The following ZMAT4 variants were observed in gnomAD, a reference collection of about 807,000 sequenced individuals.
ZMAT4 encodes zinc finger matrin-type protein 4.
ZMAT4 carries 17 observed loss-of-function variants against 28.7 expected under a neutral mutation model. That is an observed-to-expected ratio of 0.59 (90% CI 0.41 to 0.89). The LOEUF is 0.89. Among genes scored for constraint, ZMAT4 ranks in the 40% least tolerant of loss-of-function variants. ZMAT4 has a pLI of 0.00. For synonymous variants in ZMAT4, 117 were observed against 109.2 expected, an observed-to-expected ratio of 1.07 and a Z score of -0.44; for missense variants, 240 against 283.8, an observed-to-expected ratio of 0.85 and a Z score of 1.11.
intron 3 of ZMAT4, among the ~76,000 whole-genome samples, chr8:40,761,740 C>A (rs1563466220): frequency 6.6e-6 from 1 of 151,990 alleles, no homozygotes; most frequent in Non-Finnish European, 1.5e-5. Context: ...ATGAAAGGGC[C>A]CATAGATCAG....
chr8:40,808,388 GA>G lies in ZMAT4; in HGVS notation c.102+17186del, dbSNP rs904641983. 3.8e-3 allele frequency: 1,089 copies of G among 286,214 alleles called. 1 individual carries two copies. The highest frequency in any genetic ancestry group is 6.0e-3 in the South Asian group (199 of 33,248). 17.7% of individuals were successfully genotyped at this position (286,214 alleles called of 1,614,324 possible). On this transcript the variant is annotated intron_variant, in intron 2 of 6. Coordinates refer to ENST00000297737, the MANE Select transcript of ZMAT4 (RefSeq NM_024645.3). ...AAAATGCAGCTTAAGGGTGAATTTGGAAAAAAAAAAGACAGCATATTTTGGC... is the reference window on the plus strand; with the variant it reads ...AAAATGCAGCTTAAGGGTGAATTTGGAAAAAAAAAGACAGCATATTTTGGC...
chr8:40,612,785 C>T (rs1226974990), intron 5 of ZMAT4, among the ~76,000 whole-genome samples: 2 of 131,086 alleles, frequency 1.5e-5, no homozygotes, highest in East Asian at 3.9e-4. Flanking sequence ...GGTTTCTACC[C>T]AGTCATTCTC....
intron 3 of ZMAT4, among the ~76,000 whole-genome samples, chr8:40,752,223 G>T (rs1174174138): frequency 6.6e-6 from 1 of 152,178 alleles, no homozygotes; most frequent in Non-Finnish European, 1.5e-5. Flanking sequence ...CTGGAACCCA[G>T]CCCCCTCTCC....
rs75464519 is a variant in ZMAT4 at position 40,558,464 on chromosome 8, G to C, written c.674+22701C>G. Among the ~76,000 whole-genome samples, 502 of 152,210 alleles carry C rather than the reference G, an allele frequency of 3.3e-3. 8 individuals are homozygous for C. In the East Asian group the frequency reaches 0.053, roughly 16 times the overall value. On this transcript the variant is annotated intron_variant, in intron 6 of 6. Transcript: ENST00000297737. The stretch of plus-strand genomic sequence containing the variant: ...GAAAGGGAGAAAAGGGGGCAGATTT[G>C]AGGCGTGTGGAGGTGGAGTCACAGA...
intron 1 of ZMAT4, among the ~76,000 whole-genome samples, chr8:40,860,707 C>A (rs948188541): frequency 6.6e-6 from 1 of 152,228 alleles, no homozygotes; most frequent in Non-Finnish European, 1.5e-5. Context: ...TCTGGCTTTA[C>A]CCAAAATGGT....
At chr8:40,851,771 A>T (rs1817116049) in intron 1 of ZMAT4, among the ~76,000 whole-genome samples, 1 of 152,206 alleles carries the variant, frequency 6.6e-6, no homozygotes, top group Non-Finnish European at 1.5e-5. Context: ...GTTTGAAGCT[A>T]TACAATATAT....
chr8:40,583,899 C>T (rs1000225610), intron 5 of ZMAT4, among the ~76,000 whole-genome samples: 6 of 152,150 alleles, frequency 3.9e-5, no homozygotes, highest in African/African-American at 1.4e-4. Flanking sequence ...TGCATTTTTA[C>T]ATCAACAGTA....
intron 5 of ZMAT4, among the ~76,000 whole-genome samples, chr8:40,640,235 C>T (rs1211865335): frequency 1.3e-5 from 2 of 152,194 alleles, no homozygotes; most frequent in Admixed American, 1.3e-4. Context: ...GCCTCAGCCT[C>T]CTAAAATGTT....
At chr8:40,828,793 C>T (rs779240356) in intron 1 of ZMAT4, among the ~76,000 whole-genome samples, 26 of 151,944 alleles carry the variant, frequency 1.7e-4, no homozygotes, top group Non-Finnish European at 3.5e-4. Context: ...AGAGCGCAGT[C>T]CATGTAGGTC....
intron 3 of ZMAT4, among the ~76,000 whole-genome samples, chr8:40,709,498 C>T (rs566423113): frequency 1.3e-5 from 2 of 152,276 alleles, no homozygotes; most frequent in Admixed American, 1.3e-4. Context: ...ATTAGATTAT[C>T]ATCAGACATT....
intron 1 of ZMAT4, among the ~76,000 whole-genome samples, chr8:40,852,140 C>T (rs1347393778): frequency 1.3e-5 from 2 of 152,096 alleles, no homozygotes. Flanking sequence ...CTTGCCTTGG[C>T]CTCCCAAAAT....
At chr8:40,770,791 GC>G (rs1003824744) in intron 2 of ZMAT4, among the ~76,000 whole-genome samples, 1 of 151,834 alleles carries the variant, frequency 6.6e-6, no homozygotes, top group Non-Finnish European at 1.5e-5. Flanking sequence ...CAAGTGAGCC[GC>G]CCACCTCAGC....
chr8:40,740,992 GCACA>G (rs5891118), intron 3 of ZMAT4, among the ~76,000 whole-genome samples: 9,664 of 148,380 alleles, frequency 0.065, 349 homozygotes, highest in African/African-American at 0.085. Flanking sequence ...TGATAAATGC[GCACA>G]CACACACACA....
intron 5 of ZMAT4, among the ~76,000 whole-genome samples, chr8:40,655,625 A>G (rs1352689116): frequency 6.6e-6 from 1 of 152,100 alleles, no homozygotes; most frequent in African/African-American, 2.4e-5. Context: ...AATTAATGGA[A>G]TAGAATTGAT....
At chr8:40,678,994 G>T (rs1284943219) in intron 4 of ZMAT4, among the ~76,000 whole-genome samples, 2 of 152,120 alleles carry the variant, frequency 1.3e-5, no homozygotes, top group African/African-American at 4.8e-5. Context: ...TTTCTGATTT[G>T]CAAAATACAA....
chr8:40,810,147 ATG>A (rs1188580442), intron 2 of ZMAT4, among the ~76,000 whole-genome samples: 1 of 152,178 alleles, frequency 6.6e-6, no homozygotes, highest in Non-Finnish European at 1.5e-5. Context: ...ATATATATGC[ATG>A]TGTGTGTATG....
intron 3 of ZMAT4, among the ~76,000 whole-genome samples, chr8:40,757,126 T>G (rs1052753414): frequency 2.0e-5 from 3 of 152,054 alleles, no homozygotes; most frequent in Non-Finnish European, 4.4e-5. Context: ...AAACAGACCG[T>G]GAGAAGGACA....
chr8:40,889,171 G>GC (rs1818575574), intron 1 of ZMAT4, among the ~76,000 whole-genome samples: 1 of 152,226 alleles, frequency 6.6e-6, no homozygotes, highest in South Asian at 2.1e-4. Flanking sequence ...AGGTGACAGG[G>GC]CCCGGAGGTG....
intron 1 of ZMAT4, among the ~76,000 whole-genome samples, chr8:40,828,231 G>C (rs1816149035): frequency 6.6e-6 from 1 of 152,218 alleles, no homozygotes; most frequent in African/African-American, 2.4e-5. Context: ...ACAACATTTT[G>C]AAATGTCTAA....
Sources: allele counts gnomAD v4.1 joint callset (sites outside exome capture counted in the v4.1 genomes callset), GRCh38; gene constraint gnomAD v4.1.1; transcripts MANE v1.5; gene names NCBI Gene and HGNC (gene_info 2026-07-23, HGNC 2026-07-21).